GLG1: variants seen among roughly 807,000 people sequenced by gnomAD.
The protein encoded by GLG1 is Golgi apparatus protein 1.
GLG1 carries 38 observed loss-of-function variants against 160.5 expected under a neutral mutation model. The observed-to-expected ratio is 0.24, with a 90% confidence interval of 0.18 to 0.31. GLG1 has a LOEUF of 0.31. GLG1 is among the 10% of genes least tolerant of loss of function. GLG1 has a pLI of 1.00. For synonymous variants in GLG1, 644 were observed against 543.4 expected (o/e 1.19, Z -2.57); for missense variants, 1,373 against 1,505.2 (o/e 0.91, Z 1.45).
At chr16:74,565,500 A>G (rs2143756629) in intron 1 of GLG1, among the ~76,000 whole-genome samples, 2 of 152,364 alleles carry the variant, frequency 1.3e-5, no homozygotes, top group South Asian at 4.1e-4. Context: ...TACTCCTGTA[A>G]CAAGTAACTC....
chr16:74,460,612 G>A (rs2014752978), intron 22 of GLG1, among the ~76,000 whole-genome samples: 1 of 152,222 alleles, frequency 6.6e-6, no homozygotes, highest in African/African-American at 2.4e-5. Flanking sequence ...AAACATGTCA[G>A]TTTGATGATC....
At chr16:74,482,417 G>C (rs937451894) in intron 10 of GLG1, among the ~76,000 whole-genome samples, 2 of 152,208 alleles carry the variant, frequency 1.3e-5, no homozygotes, top group African/African-American at 4.8e-5. Flanking sequence ...TGCTTTGGAG[G>C]TGGGGAGAGA....
At chr16:74,479,854 G>C (rs2143305497) in intron 11 of GLG1, among the ~76,000 whole-genome samples, 1 of 152,318 alleles carries the variant, frequency 6.6e-6, no homozygotes, top group South Asian at 2.1e-4. Flanking sequence ...GGCAGACAAT[G>C]CAAATGTGTT....
Position 74,579,416 on chromosome 16 carries a change from A to AAAAC in GLG1, c.438+27237_438+27240dup, listed in dbSNP as rs967191866. 3.9e-5 allele frequency among the ~76,000 whole-genome samples: 6 copies of AAAAC among 152,298 alleles called. No homozygotes were observed. In the East Asian group the frequency reaches 5.8e-4, roughly 15 times the overall value. On this transcript the variant is annotated intron_variant, in intron 1 of 25. Coordinates refer to ENST00000422840, the MANE Select transcript of GLG1 (RefSeq NM_001145667.2). ...GGGTGACAAAATGAGAACTTGTCTC[A>AAAAC]AAACAAACAAACAAAAAACCCTTGG...
At chr16:74,595,880 T>G (rs1567547719) in intron 1 of GLG1, among the ~76,000 whole-genome samples, 2 of 152,032 alleles carry the variant, frequency 1.3e-5, no homozygotes, top group Admixed American at 1.3e-4. Context: ...TCCCAGCACT[T>G]TGGGAGGCCA....
At chr16:74,603,379 C>T (rs1567552739) in intron 1 of GLG1, among the ~76,000 whole-genome samples, 1 of 149,596 alleles carries the variant, frequency 6.7e-6, no homozygotes, top group Admixed American at 6.7e-5. Context: ...CACTGCACTC[C>T]AGCCTGGCAA....
At chr16:74,530,201 C>T (rs2143601157) in intron 2 of GLG1, among the ~76,000 whole-genome samples, 1 of 152,226 alleles carries the variant, frequency 6.6e-6, no homozygotes, top group South Asian at 2.1e-4. Flanking sequence ...TCCCCTAATC[C>T]TTTGCTTTAT....
chr16:74,459,426 T>A (rs2014694352), intron 23 of GLG1, among the ~76,000 whole-genome samples: 1 of 152,036 alleles, frequency 6.6e-6, no homozygotes, highest in South Asian at 2.1e-4. Flanking sequence ...TGCAGTGAGA[T>A]CACGCCACTG....
chr16:74,469,727 T>C (rs2015129336), intron 16 of GLG1: 3 of 494,106 alleles, frequency 6.1e-6, no homozygotes, highest in South Asian at 2.4e-5. Context: ...CCAGCCCTAC[T>C]TGGTCAGTTA....
intron 1 of GLG1, among the ~76,000 whole-genome samples, chr16:74,590,921 T>C (rs1958165636): frequency 6.7e-6 from 1 of 149,682 alleles, no homozygotes; most frequent in Admixed American, 6.7e-5. Context: ...TAAAATGAAA[T>C]TGTGTCAAAG....
At chr16:74,531,958 G>A (rs560854576) in intron 2 of GLG1, among the ~76,000 whole-genome samples, 163 bp downstream of exon 2, 10 of 152,060 alleles carry the variant, frequency 6.6e-5, no homozygotes, top group African/African-American at 2.4e-4. Context: ...CTACAATGAA[G>A]GGTTATTTGT....
intron 25 of GLG1, among the ~76,000 whole-genome samples, chr16:74,456,210 G>C (rs1029178368): frequency 4.6e-5 from 7 of 152,220 alleles, no homozygotes; most frequent in Admixed American, 1.3e-4. Context: ...TTTCAGCGGT[G>C]AACAGTGGGC....
intron 22 of GLG1, among the ~76,000 whole-genome samples, chr16:74,460,849 C>G (rs1251680584): frequency 2.6e-5 from 4 of 152,226 alleles, no homozygotes; most frequent in Non-Finnish European, 5.9e-5. Context: ...TTATATATAA[C>G]CAAATCAAAT....
At chr16:74,498,616 G>A (rs1480439730) in intron 4 of GLG1, among the ~76,000 whole-genome samples, 2 of 149,276 alleles carry the variant, frequency 1.3e-5, no homozygotes, top group Non-Finnish European at 3.0e-5. Flanking sequence ...TGTAATCCCA[G>A]CACTTTGGGA....
intron 1 of GLG1, among the ~76,000 whole-genome samples, chr16:74,554,119 A>G (rs2018283688): frequency 6.6e-6 from 1 of 152,240 alleles, no homozygotes; most frequent in Non-Finnish European, 1.5e-5. Context: ...GGAGATAACT[A>G]GGGAATTACC....
Position 74,468,970 on chromosome 16 carries a change from C to T in GLG1, c.2412G>A (p.Gln804=). 1 of 1,608,590 alleles carries T rather than the reference C, an allele frequency of 6.2e-7. No individual in the cohort carries two copies. ...CCATCTCCAGCTCCTCCACACGGAG[C>T]TGCCTGCGGCACTTCAGGGACACCC... The part of the protein sequence containing the change: ...EHRVSLKCRR[Q]LRVEELEMTE... The change falls in exon 17 of 26, where the codon CAG becomes CAA. Residue 804 remains glutamine (Q), a synonymous_variant. Coordinates refer to ENST00000422840, the MANE Select transcript of GLG1 (RefSeq NM_001145667.2).
rs144057463 is a variant in GLG1 at position 74,591,386 on chromosome 16, T to C, written c.438+15271A>G. On this transcript the variant is annotated intron_variant, in intron 1 of 25. Coordinates refer to ENST00000422840, the MANE Select transcript of GLG1 (RefSeq NM_001145667.2). ...GCTCACGCCTGTAATCCCAGCACTT[T>C]GGGAGGCTGAGGCAGGTGGATCACA... Among the ~76,000 whole-genome samples, 1,266 of 150,328 alleles carry C rather than the reference T, an allele frequency of 8.4e-3. 38 individuals carry two copies. In the East Asian group the frequency reaches 0.094, roughly 11 times the overall value.
At chr16:74,500,633 A>G (rs1045724033) in intron 4 of GLG1, among the ~76,000 whole-genome samples, 2 of 152,180 alleles carry the variant, frequency 1.3e-5, no homozygotes, top group Non-Finnish European at 2.9e-5. Flanking sequence ...TATTAGAATT[A>G]CTCAAATTAA....
intron 2 of GLG1, among the ~76,000 whole-genome samples, chr16:74,529,033 A>T (rs1226236847): frequency 1.3e-5 from 2 of 148,260 alleles, no homozygotes; most frequent in African/African-American, 2.5e-5. Flanking sequence ...GTGGTACGAT[A>T]GTGGTTCACT....
Sources: gnomAD v4.1 joint callset for allele counts (sites outside exome capture counted in the v4.1 genomes callset) on GRCh38, gnomAD v4.1.1 for gene constraint, MANE v1.5 for transcripts, NCBI Gene and HGNC (gene_info 2026-07-23, HGNC 2026-07-21) for gene names.